PPFIA2: variants seen among roughly 807,000 people sequenced by gnomAD.
PPFIA2 encodes the protein liprin-alpha-2.
Under a neutral mutation model 175.5 loss-of-function variants are expected in PPFIA2, and 46 were observed. The ratio of observed to expected loss-of-function variants is 0.26; its 90% confidence interval spans 0.21 to 0.34. PPFIA2 has a LOEUF of 0.34. Among genes scored for constraint, PPFIA2 ranks in the 10% least tolerant of loss-of-function variants. The probability of loss-of-function intolerance (pLI) is 1.00; values close to 1 mark genes in which losing one functional copy is unlikely to be tolerated. For synonymous variants in PPFIA2, 568 were observed against 511.4 expected, an observed-to-expected ratio of 1.11 and a Z score of -1.49; for missense variants, 1,179 against 1,506.1, an observed-to-expected ratio of 0.78 and a Z score of 3.60.
chr12:81,437,821 A>T (rs77449633), intron 7 of PPFIA2, among the ~76,000 whole-genome samples: 1 of 152,126 alleles, frequency 6.6e-6, no homozygotes, highest in East Asian at 1.9e-4. Flanking sequence ...CCCATCCTGA[A>T]GATAATTTAT....
At chr12:81,269,093 A>C (rs1204472870) in intron 28 of PPFIA2, among the ~76,000 whole-genome samples, 1 of 151,630 alleles carries the variant, frequency 6.6e-6, no homozygotes, top group Non-Finnish European at 1.5e-5. Context: ...ACTTTCAGAG[A>C]AAAATGCCGT....
chr12:81,692,313 T>C (rs570280163), intron 3 of PPFIA2, among the ~76,000 whole-genome samples: 4 of 152,216 alleles, frequency 2.6e-5, no homozygotes, highest in Non-Finnish European at 4.4e-5. Flanking sequence ...CCCTAGCTGA[T>C]ACTTTGATTG....
intron 3 of PPFIA2, among the ~76,000 whole-genome samples, chr12:81,698,326 A>G (rs914532855): frequency 3.3e-5 from 5 of 152,112 alleles, no homozygotes; most frequent in Non-Finnish European, 7.4e-5. Context: ...TTATTGCAGA[A>G]GCAAGTTTCT....
At position 81,347,600 on chromosome 12, in the gene PPFIA2, T is replaced by C. The variant is rs747014544; in HGVS notation, c.2165A>G (p.His722Arg). The stretch of plus-strand genomic sequence containing the variant: ...TCGAGGGGTGAGCTTTGGAGTTGAG[T>C]GTCCACTGGGGGGAGATGAACTGGC... ...SLASSSPPSG[H>R]STPKLTPRSP... is the part of the protein sequence containing the mutation. Residue 722 changes from histidine to arginine, a missense_variant, in exon 18 of 33, where the codon CAC becomes CGC. By Grantham distance (29) the His-to-Arg change is conservative (BLOSUM62 0). Transcript: ENST00000549396. The C allele has an allele frequency of 4.0e-5, 65 of 1,613,742 alleles. No homozygotes were observed. Among genetic ancestry groups the C allele is most frequent in the Non-Finnish European group, 4.9e-5 (58 of 1,179,770 alleles).
At chr12:81,444,133 C>T (rs1254498402) in intron 6 of PPFIA2, among the ~76,000 whole-genome samples, 1 of 152,038 alleles carries the variant, frequency 6.6e-6, no homozygotes, top group Admixed American at 6.5e-5. Context: ...GGATTACAGG[C>T]GTGAGCCACC....
chr12:81,658,732 G>GA (rs2068227856), intron 4 of PPFIA2, among the ~76,000 whole-genome samples: 1 of 151,640 alleles, frequency 6.6e-6, no homozygotes, highest in South Asian at 2.1e-4. Context: ...ATATGTTTAA[G>GA]GGTTGTATAT....
chr12:81,353,504 T>C (rs2060369577), intron 16 of PPFIA2, among the ~76,000 whole-genome samples, 165 bp from the exon 17 acceptor site: 2 of 152,196 alleles, frequency 1.3e-5, no homozygotes, highest in Admixed American at 6.5e-5. Flanking sequence ...AATAGTTCCT[T>C]GACATCTTAA....
At chr12:81,495,680 T>C (rs545190984) in intron 4 of PPFIA2, among the ~76,000 whole-genome samples, 1 of 152,182 alleles carries the variant, frequency 6.6e-6, no homozygotes, top group South Asian at 2.1e-4. Flanking sequence ...CTAGGCATGA[T>C]GGTGAGCATC....
Position 81,267,029 on chromosome 12 carries a change from G to A in PPFIA2, c.3487-9C>T, listed in dbSNP as rs369195336. ...TCAAGAATCTGCCTTGCCTGTTGACGTCAAATTACAGTTACCATCACCGAA... is the reference window on the plus strand; with the variant it reads ...TCAAGAATCTGCCTTGCCTGTTGACATCAAATTACAGTTACCATCACCGAA... On this transcript the variant is annotated splice_polypyrimidine_tract_variant and intron_variant, in intron 29 of 32. Transcript: ENST00000549396. 1.8e-4 allele frequency: 294 copies of A among 1,605,902 alleles called. 4 individuals are homozygous for A. The highest frequency in any genetic ancestry group is 1.3e-3 in the Admixed American group (75 of 59,744).
intron 28 of PPFIA2, among the ~76,000 whole-genome samples, chr12:81,274,349 C>T (rs1428027014): frequency 6.6e-6 from 1 of 152,000 alleles, no homozygotes. Flanking sequence ...TTTTGATAGT[C>T]TAAGACATAT....
Position 81,362,725 on chromosome 12 carries a change from T to A in PPFIA2, c.1605A>T (p.Arg535Ser). The A allele has an allele frequency of 6.5e-7, 1 of 1,547,538 alleles. No homozygotes were observed. The highest frequency in any genetic ancestry group is 2.0e-5 in the Admixed American group (1 of 50,902). Reference sequence around the variant, plus strand: ...TTGTGGGTTCAATTAAAGAGCCAGTTCTCATTTTCAATTGGTCAAGTTCAG... The same window carrying A: ...TTGTGGGTTCAATTAAAGAGCCAGTACTCATTTTCAATTGGTCAAGTTCAG... ...LRSELDQLKM[R>S]TGSLIEPTIP... Residue 535 changes from arginine to serine, a missense_variant, in exon 15 of 33, where the codon AGA becomes AGT. Arg to Ser is a moderately radical substitution (Grantham distance 110). Transcript: ENST00000549396.
At chr12:81,664,747 T>C (rs1023714218) in intron 4 of PPFIA2, among the ~76,000 whole-genome samples, 4 of 152,142 alleles carry the variant, frequency 2.6e-5, no homozygotes, top group East Asian at 3.9e-4. Flanking sequence ...TGCATGTTTA[T>C]TGCAGCACTA....
At chr12:81,314,584 T>C (rs1280166059) in intron 22 of PPFIA2, among the ~76,000 whole-genome samples, 1 of 151,918 alleles carries the variant, frequency 6.6e-6, no homozygotes, top group Non-Finnish European at 1.5e-5. Flanking sequence ...AGCAAACATA[T>C]GTCTTATATT....
intron 4 of PPFIA2, among the ~76,000 whole-genome samples, chr12:81,630,496 G>A (rs915055456): frequency 9.2e-5 from 14 of 152,124 alleles, no homozygotes; most frequent in Non-Finnish European, 1.0e-4. Context: ...CTGAGGATAC[G>A]GAAGGTATTG....
chr12:81,625,928 G>A (rs7309720), intron 4 of PPFIA2, among the ~76,000 whole-genome samples: 9,499 of 149,780 alleles, frequency 0.063, 428 homozygotes, highest in East Asian at 0.25. Context: ...CAAAGAGAGA[G>A]AAATGATGCC....
chr12:81,704,627 A>G (rs2076888748), intron 3 of PPFIA2, among the ~76,000 whole-genome samples: 1 of 152,126 alleles, frequency 6.6e-6, no homozygotes, highest in Admixed American at 6.5e-5. Flanking sequence ...CTTCACTAAA[A>G]TAGGAAAATT....
At chr12:81,334,893 A>G (rs1329262661) in intron 21 of PPFIA2, among the ~76,000 whole-genome samples, 1 of 152,188 alleles carries the variant, frequency 6.6e-6, no homozygotes, top group Non-Finnish European at 1.5e-5. Context: ...GAAAACTCCC[A>G]TTTCAGATAC....
rs894806097 is a variant in PPFIA2, at chr12:81,641,350, T to G, written c.303+35441A>C. On this transcript the variant is annotated intron_variant, in intron 4 of 32. Coordinates refer to ENST00000549396, the MANE Select transcript of PPFIA2 (RefSeq NM_003625.5). Reference sequence around the variant, plus strand: ...TCTCACCATATGTAGCATTTCCACTTCCATGGCCACAATTCAGATTACAGC... The same window carrying G: ...TCTCACCATATGTAGCATTTCCACTGCCATGGCCACAATTCAGATTACAGC... Among the ~76,000 whole-genome samples the G allele has an allele frequency of 5.9e-5, 9 of 152,152 alleles. 1 individual carries two copies. The highest frequency in any genetic ancestry group is 5.9e-4 in the Admixed American group (9 of 15,274).
At chr12:81,468,303 T>C (rs2056100345) in intron 4 of PPFIA2, among the ~76,000 whole-genome samples, 1 of 152,226 alleles carries the variant, frequency 6.6e-6, no homozygotes, top group African/African-American at 2.4e-5. Context: ...GCTTATTTGA[T>C]GCTTCATGCA....
Sources: gnomAD v4.1 joint callset for allele counts (sites outside exome capture counted in the v4.1 genomes callset) on GRCh38, gnomAD v4.1.1 for gene constraint, MANE v1.5 for transcripts, NCBI Gene and HGNC (gene_info 2026-07-23, HGNC 2026-07-21) for gene names.